Variants in MCPH1 observed in about 807,000 individuals in gnomAD.
MCPH1 encodes microcephalin.
In MCPH1, 104 loss-of-function variants were observed where a neutral mutation model predicts 84.5. The observed-to-expected ratio is 1.23, with a 90% CI of 1.05 to 1.45. The LOEUF is 1.45. Ranked by LOEUF, MCPH1 falls within the 40% of genes most tolerant of loss-of-function variation. The pLI is 0.00. For synonymous variants in MCPH1, 514 were observed against 366.8 expected (o/e 1.40, Z -4.58); for missense variants, 1,498 against 1,005.7 (o/e 1.49, Z -6.62).
chr8:6,569,510 A>C (rs1381872968), intron 12 of MCPH1, among the ~76,000 whole-genome samples: 3 of 152,236 alleles, frequency 2.0e-5, no homozygotes, highest in Non-Finnish European at 2.9e-5. Context: ...AAAGTACCAA[A>C]GGAAAGCCCC....
At chr8:6,498,804 G>A (rs1340047678) in intron 11 of MCPH1, among the ~76,000 whole-genome samples, 1 of 152,020 alleles carries the variant, frequency 6.6e-6, no homozygotes, top group African/African-American at 2.4e-5. Flanking sequence ...TAAATAACAT[G>A]CATTGAGGCT....
At chr8:6,406,799 T>A (rs1191560623) in intron 1 of MCPH1, 110 bp downstream of exon 1, 16 of 1,212,470 alleles carry the variant, frequency 1.3e-5, no homozygotes, top group Non-Finnish European at 1.7e-5. Flanking sequence ...CGCCCCTCCC[T>A]CGCTGCCTGT....
intron 12 of MCPH1, among the ~76,000 whole-genome samples, chr8:6,607,809 C>T (rs1829914699): frequency 6.6e-6 from 1 of 152,208 alleles, no homozygotes; most frequent in Non-Finnish European, 1.5e-5. Flanking sequence ...GAGGCCTCCC[C>T]AGGCAGGTGG....
intron 13 of MCPH1, among the ~76,000 whole-genome samples, chr8:6,633,007 A>G (rs1254417558): frequency 6.7e-6 from 1 of 148,520 alleles, no homozygotes; most frequent in Non-Finnish European, 1.5e-5. Context: ...GGAAGATTCA[A>G]TGCCGAGTAA....
At chr8:6,433,009 A>G (rs1047317995) in intron 4 of MCPH1, among the ~76,000 whole-genome samples, 2 of 152,244 alleles carry the variant, frequency 1.3e-5, no homozygotes, top group African/African-American at 4.8e-5. Flanking sequence ...ACACATGTAC[A>G]CACTCACACA....
chr8:6,594,785 G>A (rs1301812295), intron 12 of MCPH1, among the ~76,000 whole-genome samples: 2 of 152,104 alleles, frequency 1.3e-5, no homozygotes, highest in Admixed American at 1.3e-4. Context: ...AGAGAGGGAA[G>A]GGGAGGCATA....
intron 9 of MCPH1, among the ~76,000 whole-genome samples, chr8:6,475,856 T>TGG (rs1808381907): frequency 6.6e-6 from 1 of 152,056 alleles, no homozygotes; most frequent in African/African-American, 2.4e-5. Context: ...ATGTGGGGTG[T>TGG]GGGGTTGGCA....
chr8:6,471,927 A>T (rs575014392), intron 9 of MCPH1, among the ~76,000 whole-genome samples: 4 of 152,232 alleles, frequency 2.6e-5, no homozygotes, highest in African/African-American at 9.7e-5. Flanking sequence ...TTAAATGGCT[A>T]TGGTTCTCGT....
intron 11 of MCPH1, chr8:6,499,586 C>T (rs1586134502): frequency 3.7e-6 from 1 of 270,792 alleles, no homozygotes; most frequent in East Asian, 6.5e-5. Context: ...TGTGTAAAAA[C>T]AGGATAATAT....
intron 9 of MCPH1, among the ~76,000 whole-genome samples, chr8:6,473,585 C>T (rs1168890233): frequency 2.0e-5 from 3 of 152,128 alleles, no homozygotes; most frequent in Non-Finnish European, 4.4e-5. Context: ...CCCACCTCAG[C>T]CTCCCAAAGG....
At chr8:6,550,254 C>G (rs1484229355) in intron 12 of MCPH1, among the ~76,000 whole-genome samples, 1 of 152,118 alleles carries the variant, frequency 6.6e-6, no homozygotes, top group Non-Finnish European at 1.5e-5. Context: ...GTCACTGATG[C>G]GCAGCTCAGG....
At chr8:6,625,975 G>A in intron 13 of MCPH1, 1 of 985,164 alleles carries the variant, frequency 1.0e-6, no homozygotes, top group African/African-American at 1.7e-5. Context: ...GGCCAGAGGA[G>A]GGAAAGGAAG....
At chr8:6,636,291 G>A (rs1797550235) in intron 13 of MCPH1, among the ~76,000 whole-genome samples, 1 of 147,222 alleles carries the variant, frequency 6.8e-6, no homozygotes, top group African/African-American at 2.5e-5. Flanking sequence ...AGTGAGCCAA[G>A]ATTTCACCAC....
chr8:6,556,174 T>C (rs1200295892), intron 12 of MCPH1, among the ~76,000 whole-genome samples: 2 of 152,072 alleles, frequency 1.3e-5, no homozygotes, highest in Non-Finnish European at 2.9e-5. Flanking sequence ...TAAAAACAAA[T>C]TGTTAAAGAG....
At chr8:6,552,314 C>T (rs570784621) in intron 12 of MCPH1, among the ~76,000 whole-genome samples, 5 of 152,290 alleles carry the variant, frequency 3.3e-5, no homozygotes, top group African/African-American at 7.2e-5. Context: ...GCCATATTCA[C>T]GCAGTCACAG....
intron 9 of MCPH1, among the ~76,000 whole-genome samples, chr8:6,467,350 C>A (rs896400173): frequency 5.9e-5 from 9 of 152,142 alleles, no homozygotes; most frequent in Non-Finnish European, 1.2e-4. Context: ...TATTTTTCTG[C>A]AGAAATATCT....
intron 12 of MCPH1, among the ~76,000 whole-genome samples, chr8:6,605,439 GT>G (rs1175435711): frequency 6.6e-6 from 1 of 152,210 alleles, no homozygotes; most frequent in Non-Finnish European, 1.5e-5. Context: ...TGCGATGGGA[GT>G]TTGCATTTTG....
At chr8:6,590,547 A>AAT (rs1828377008) in intron 12 of MCPH1, among the ~76,000 whole-genome samples, 1 of 152,240 alleles carries the variant, frequency 6.6e-6, no homozygotes, top group African/African-American at 2.4e-5. Flanking sequence ...GGTTGACCAG[A>AAT]GGCCTAATCT....
chr8:6,446,405 C>A (rs1263512087), intron 8 of MCPH1: 1 of 985,190 alleles, frequency 1.0e-6, no homozygotes, highest in African/African-American at 1.7e-5. Context: ...GTGGAGAAGT[C>A]ATGGTAGCGT....
Sources: gnomAD v4.1 joint callset for allele counts (sites outside exome capture counted in the v4.1 genomes callset) on GRCh38, gnomAD v4.1.1 for gene constraint, MANE v1.5 for transcripts, NCBI Gene and HGNC (gene_info 2026-07-23, HGNC 2026-07-21) for gene names.